Variants in MALRD1 observed in about 807,000 individuals in gnomAD.
The protein encoded by MALRD1 is MAM and LDL receptor class A domain containing 1, also known as MAM and LDL-receptor class A domain-containing protein 1.
In MALRD1, 247 loss-of-function variants were observed where a neutral mutation model predicts 242.1. That is an observed-to-expected ratio of 1.02 (90% confidence interval 0.92 to 1.13). MALRD1 has a LOEUF of 1.13. MALRD1 is among the 50% of genes most tolerant of loss of function. The pLI, the probability that MALRD1 is intolerant of heterozygous loss-of-function variation, is 0.00. For missense variants in MALRD1, 2,989 were observed against 2,533.1 expected (o/e 1.18, Z -3.86); for synonymous variants, 995 against 866.6 (o/e 1.15, Z -2.60).
intron 17 of MALRD1, 49 bp downstream of exon 17, chr10:19,205,314 G>T: frequency 1.4e-6 from 2 of 1,478,300 alleles, no homozygotes; most frequent in South Asian, 1.4e-5. Context: ...TGAAAGTGTT[G>T]ACCTTGATGA....
chr10:19,514,165 A>G (rs1833528249), intron 31 of MALRD1, among the ~76,000 whole-genome samples: 1 of 152,230 alleles, frequency 6.6e-6, no homozygotes, highest in Non-Finnish European at 1.5e-5. Context: ...ACAGTTTATT[A>G]TAGTGCAACT....
intron 33 of MALRD1, among the ~76,000 whole-genome samples, chr10:19,580,911 C>A (rs563472273): frequency 3.7e-4 from 56 of 152,224 alleles, no homozygotes; most frequent in African/African-American, 1.3e-3. Context: ...CATGCCAGGA[C>A]TCTCTGAGTC....
At chr10:19,730,485 CAG>C in intron 38 of MALRD1, 3 of 589,870 alleles carry the variant, frequency 5.1e-6, no homozygotes, top group Non-Finnish European at 9.1e-6. Flanking sequence ...TCTAAACACT[CAG>C]AGTTCAAATT....
At chr10:19,174,309 G>T (rs1296092716) in intron 13 of MALRD1, among the ~76,000 whole-genome samples, 3 of 152,130 alleles carry the variant, frequency 2.0e-5, no homozygotes, top group Non-Finnish European at 4.4e-5. Context: ...GAGAGGGGAA[G>T]GCAGAGAGGG....
At chr10:19,406,946 T>G (rs1833052250) in intron 28 of MALRD1, among the ~76,000 whole-genome samples, 1 of 152,106 alleles carries the variant, frequency 6.6e-6, no homozygotes, top group Non-Finnish European at 1.5e-5. Context: ...TTTTTTTAGT[T>G]TTTCATATAG....
intron 36 of MALRD1, among the ~76,000 whole-genome samples, chr10:19,672,581 G>A (rs1214729835): frequency 6.6e-6 from 1 of 151,792 alleles, no homozygotes. Flanking sequence ...ACACCACCAT[G>A]CCCGGCTAAT....
Position 19,498,597 on chromosome 10 carries a change from C to T in MALRD1, c.5271C>T (p.Gly1757=), listed in dbSNP as rs1651055756. Residue 1757 remains glycine (G), a synonymous_variant, in exon 31 of 40, where the codon GGC becomes GGT. Transcript: ENST00000454679. ...DSEDDLDWAI[G]SRIPAKALIP... is the part of the protein sequence containing the mutation. ...AGGATGACTTGGACTGGGCCATTGG[C>T]AGCAGAATTCCTGCCAAAGCATTAA... 2 of 1,550,108 alleles carry T rather than the reference C, an allele frequency of 1.3e-6. No individual in the cohort carries two copies. Among genetic ancestry groups the T allele is most frequent in the Non-Finnish European group, 1.7e-6 (2 of 1,146,750 alleles).
At chr10:19,305,470 T>C (rs1842123587) in intron 21 of MALRD1, among the ~76,000 whole-genome samples, 1 of 151,404 alleles carries the variant, frequency 6.6e-6, no homozygotes, top group Non-Finnish European at 1.5e-5. Context: ...TGGGGAGTTA[T>C]TCTTAGAGCA....
intron 33 of MALRD1, among the ~76,000 whole-genome samples, chr10:19,591,966 A>T (rs1292394067): frequency 1.3e-5 from 2 of 152,236 alleles, no homozygotes; most frequent in East Asian, 3.9e-4. Flanking sequence ...TTAAAACAAG[A>T]GATAAAAGAA....
chr10:19,085,153 TTCTG>T (rs1835626048), intron 2 of MALRD1, among the ~76,000 whole-genome samples: 1 of 152,020 alleles, frequency 6.6e-6, no homozygotes, highest in Non-Finnish European at 1.5e-5. Flanking sequence ...ATGCAGTCTA[TTCTG>T]GCTGGTTAGA....
chr10:19,260,427 G>A (rs1296768153), intron 19 of MALRD1, among the ~76,000 whole-genome samples: 2 of 152,022 alleles, frequency 1.3e-5, no homozygotes, highest in South Asian at 2.1e-4. Flanking sequence ...ATTTCATAGA[G>A]GATGGAAAAA....
chr10:19,689,192 T>C (rs1325266094), intron 36 of MALRD1, among the ~76,000 whole-genome samples: 1 of 152,156 alleles, frequency 6.6e-6, no homozygotes, highest in Non-Finnish European at 1.5e-5. Flanking sequence ...TATGCTTCTA[T>C]TGCAGGAAAC....
At chr10:19,203,988 A>T in intron 15 of MALRD1, 108 bp downstream of exon 15, 1 of 1,306,098 alleles carries the variant, frequency 7.7e-7, no homozygotes, top group South Asian at 1.3e-5. Flanking sequence ...ACAAACAGTC[A>T]GATAGTTGAA....
At chr10:19,388,304 C>T (rs1846174092) in intron 27 of MALRD1, among the ~76,000 whole-genome samples, 1 of 152,160 alleles carries the variant, frequency 6.6e-6, no homozygotes, top group Admixed American at 6.5e-5. Flanking sequence ...GGGGTTAGAA[C>T]TCTGGCATAT....
intron 12 of MALRD1, among the ~76,000 whole-genome samples, chr10:19,157,654 T>C (rs956228997): frequency 1.3e-5 from 2 of 152,188 alleles, no homozygotes; most frequent in East Asian, 3.8e-4. Flanking sequence ...GTATTGATAA[T>C]AGTGCTTTCA....
intron 31 of MALRD1, among the ~76,000 whole-genome samples, chr10:19,506,642 G>C (rs954929773): frequency 1.3e-5 from 2 of 151,820 alleles, no homozygotes; most frequent in African/African-American, 4.8e-5. Flanking sequence ...GCATATATAA[G>C]TAAATATTTA....
In MALRD1 at chr10:19,312,378, G is replaced by GTATATATATATA. The variant is rs112120220; in HGVS notation, c.3420-11559_3420-11548dup. Reference sequence around the variant, plus strand: ...TTCAGTACAGGGCACAGAGGAATGTGTATATATATATATATATATATATGT... The same window carrying GTATATATATATA: ...TTCAGTACAGGGCACAGAGGAATGTGTATATATATATATATATATATATATATATATATATGT... On this transcript the variant is annotated intron_variant, in intron 21 of 39. Coordinates refer to ENST00000454679, the MANE Select transcript of MALRD1 (RefSeq NM_001142308.3). 2.4e-3 allele frequency among the ~76,000 whole-genome samples: 331 copies of GTATATATATATA among 137,504 alleles called. 2 individuals carry two copies. The highest frequency in any genetic ancestry group is 7.3e-3 in the African/African-American group (269 of 36,660). 90.2% of individuals were successfully genotyped at this position (137,504 alleles called of 152,430 possible).
At position 19,295,384 on chromosome 10, in the gene MALRD1, TCC is replaced by T. The variant is rs1229608363; in HGVS notation, c.3419+12204_3419+12205del. On this transcript the variant is annotated intron_variant, in intron 21 of 39. Coordinates refer to ENST00000454679, the MANE Select transcript of MALRD1 (RefSeq NM_001142308.3). ...TCTAATTTGACAAGTTAAAATAGTA[TCC>T]AATTGTATATATATTTTTATGTCTT... Among the ~76,000 whole-genome samples the T allele has an allele frequency of 2.6e-5, 4 of 152,128 alleles. No homozygotes were observed. The East Asian group carries it at 7.7e-4, about 29-fold the overall frequency.
intron 8 of MALRD1, 63 bp downstream of exon 8, chr10:19,128,450 A>G: frequency 8.8e-7 from 1 of 1,142,766 alleles, no homozygotes; most frequent in South Asian, 4.5e-5. Context: ...ACTCTTGGCA[A>G]CTTGTGTTTC....
Sources: allele counts gnomAD v4.1 joint callset (sites outside exome capture counted in the v4.1 genomes callset), GRCh38; gene constraint gnomAD v4.1.1; transcripts MANE v1.5; gene names NCBI Gene and HGNC (gene_info 2026-07-23, HGNC 2026-07-21).